Variants in LIPK observed in about 807,000 individuals in gnomAD.
The protein encoded by LIPK is lipase family member K.
LIPK carries 32 observed loss-of-function variants against 48.6 expected under a neutral mutation model. The observed-to-expected ratio is 0.66, with a 90% confidence interval of 0.50 to 0.88. The LOEUF is 0.88. Ranked by LOEUF, LIPK falls within the 40% of genes least tolerant of loss-of-function variation. The probability of loss-of-function intolerance (pLI) is 0.00; values close to 1 mark genes in which losing one functional copy is unlikely to be tolerated. For missense variants in LIPK, 507 were observed against 478.5 expected, an observed-to-expected ratio of 1.06 and a Z score of -0.56; for synonymous variants, 164 against 157.4, an observed-to-expected ratio of 1.04 and a Z score of -0.32.
chr10:88,724,551 A>C lies in LIPK; in HGVS notation c.8A>C (p.Gln3Pro). 6.2e-7 allele frequency: 1 copy of C among 1,601,440 alleles called. No individual in the cohort carries two copies. The highest frequency in any genetic ancestry group is 8.5e-7 in the Non-Finnish European group (1 of 1,175,022). Residue 3 changes from glutamine (Q) to proline (P), a missense_variant, in exon 2 of 10, where the codon CAG becomes CCG. Physicochemically the swap from Gln to Pro is moderately conservative, Grantham distance 76. Transcript: ENST00000404190. MW[Q>P]LLAAACWMLL... ...TTCCTAGGCAGATCCCAAATGTGGCAGCTTTTAGCAGCAGCATGCTGGATG... is the reference window on the plus strand; with the variant it reads ...TTCCTAGGCAGATCCCAAATGTGGCCGCTTTTAGCAGCAGCATGCTGGATG...
intron 1 of LIPK, among the ~76,000 whole-genome samples, chr10:88,708,807 A>C (rs935322041): frequency 2.0e-5 from 3 of 152,024 alleles, no homozygotes; most frequent in Non-Finnish European, 4.4e-5. Context: ...ATATTCCTAC[A>C]AATATATTTT....
chr10:88,747,480 T>C (rs1842785375), intron 9 of LIPK, among the ~76,000 whole-genome samples: 1 of 152,172 alleles, frequency 6.6e-6, no homozygotes, highest in Non-Finnish European at 1.5e-5. Context: ...AATCAATATG[T>C]TTCAGGCATC....
chr10:88,745,088 G>T (rs1465803953), intron 9 of LIPK, among the ~76,000 whole-genome samples: 1 of 152,000 alleles, frequency 6.6e-6, no homozygotes, highest in Non-Finnish European at 1.5e-5. Context: ...AAAGAAAAAA[G>T]AATTTAAAAA....
intron 8 of LIPK, among the ~76,000 whole-genome samples, chr10:88,742,175 C>A (rs1387701144): frequency 6.6e-6 from 1 of 152,172 alleles, no homozygotes; most frequent in Non-Finnish European, 1.5e-5. Context: ...ATTCAGTCTC[C>A]TCCCACCAGG....
chr10:88,748,895 A>G (rs956513181), intron 9 of LIPK, among the ~76,000 whole-genome samples: 3 of 151,490 alleles, frequency 2.0e-5, no homozygotes, highest in Non-Finnish European at 4.4e-5. Flanking sequence ...AAAAAACCCC[A>G]TAGTCTCATT....
At chr10:88,715,288 C>G (rs1842095348) in intron 1 of LIPK, among the ~76,000 whole-genome samples, 1 of 152,056 alleles carries the variant, frequency 6.6e-6, no homozygotes, top group Admixed American at 6.5e-5. Flanking sequence ...TCAGTTTGAT[C>G]TTCTCATATT....
At chr10:88,728,584 G>T in intron 3 of LIPK, 1 of 459,812 alleles carries the variant, frequency 2.2e-6, no homozygotes, top group Non-Finnish European at 4.3e-6. Context: ...TAGCTTCACC[G>T]GAACCTGGAG....
intron 1 of LIPK, among the ~76,000 whole-genome samples, chr10:88,715,578 C>T (rs1842100885): frequency 6.6e-6 from 1 of 151,966 alleles, no homozygotes; most frequent in African/African-American, 2.4e-5. Context: ...TTTTTTTATA[C>T]ATATTATAGT....
intron 3 of LIPK, among the ~76,000 whole-genome samples, chr10:88,729,254 G>GGGGGT (rs1554955624): frequency 2.5e-5 from 2 of 80,830 alleles, no homozygotes; most frequent in Non-Finnish European, 7.1e-5. Flanking sequence ...CTATCTGTTG[G>GGGGGT]GGGGGGGGGG....
At chr10:88,732,059 C>G (rs974024055) in intron 4 of LIPK, 119 bp from the exon 5 acceptor site, 2 of 607,998 alleles carry the variant, frequency 3.3e-6, no homozygotes, top group East Asian at 2.8e-5. Context: ...TATCATATAT[C>G]GACACTAGTC....
At chr10:88,739,248 G>T (rs567766892) in intron 7 of LIPK, among the ~76,000 whole-genome samples, 1 of 152,124 alleles carries the variant, frequency 6.6e-6, no homozygotes, top group East Asian at 1.9e-4. Flanking sequence ...GAAAACGAAC[G>T]TCAACATACA....
At chr10:88,726,751 A>C (rs1215342985) in intron 2 of LIPK, 44 bp from the exon 3 acceptor site, 3 of 922,298 alleles carry the variant, frequency 3.3e-6, no homozygotes, top group Non-Finnish European at 5.2e-6. Flanking sequence ...GTAAAAATTA[A>C]GAGATTATAA....
rs1590153745 is a variant in LIPK, at chr10:88,737,849, G to C, written c.816+68G>C. ...GCACAGAAGTGATGAAAGTTATCCT[G>C]GATTGTATGGCAACTGCAATTCAAG... On this transcript the variant is annotated intron_variant, in intron 7 of 9. Coordinates refer to ENST00000404190, the MANE Select transcript of LIPK (RefSeq NM_001080518.2). The C allele has an allele frequency of 5.3e-6, 8 of 1,516,004 alleles. No homozygotes were observed. In the South Asian group the frequency reaches 8.4e-5, roughly 16 times the overall value. The allele number at this position is 1,516,004 out of a possible 1,614,324, so 93.9% of individuals were successfully genotyped here.
At chr10:88,745,068 A>G (rs771159423) in intron 9 of LIPK, among the ~76,000 whole-genome samples, 2 of 152,216 alleles carry the variant, frequency 1.3e-5, no homozygotes, top group Non-Finnish European at 2.9e-5. Context: ...GAACCCAGTC[A>G]GACAAAAATA....
At chr10:88,713,064 C>T (rs1301623645) in intron 1 of LIPK, among the ~76,000 whole-genome samples, 1 of 152,168 alleles carries the variant, frequency 6.6e-6, no homozygotes, top group Non-Finnish European at 1.5e-5. Context: ...CATCATCACA[C>T]AGGAGACACA....
At chr10:88,729,146 C>G (rs959446080) in intron 3 of LIPK, among the ~76,000 whole-genome samples, 4 of 149,810 alleles carry the variant, frequency 2.7e-5, no homozygotes, top group Non-Finnish European at 5.9e-5. Context: ...CCTCAGGTAT[C>G]CTCAGGAATC....
At chr10:88,722,205 G>C (rs1295895791) in intron 1 of LIPK, among the ~76,000 whole-genome samples, 1 of 152,136 alleles carries the variant, frequency 6.6e-6, no homozygotes, top group Non-Finnish European at 1.5e-5. Context: ...TGGGGCAAGA[G>C]AATCCCTTGA....
At position 88,732,265 on chromosome 10, in the gene LIPK, C is replaced by G. The variant is rs771625513; in HGVS notation, c.510C>G (p.Gly170=). Residue 170 remains glycine (G), a synonymous_variant, in exon 5 of 10, where the codon GGC becomes GGG. Coordinates refer to ENST00000404190, the MANE Select transcript of LIPK (RefSeq NM_001080518.2). The stretch of plus-strand genomic sequence containing the variant: ...GACAGAAGCGACTCTACTACGTGGG[C>G]CACTCACAAGGCACCACCATAGGTG... The part of the protein sequence containing the change: ...KTGQKRLYYV[G]HSQGTTIAFI... 24 of 1,613,570 alleles carry G rather than the reference C, an allele frequency of 1.5e-5. No homozygotes were observed. The highest frequency in any genetic ancestry group is 5.1e-6 in the Non-Finnish European group (6 of 1,179,762).
chr10:88,741,154 G>T (rs1196951746), intron 8 of LIPK, among the ~76,000 whole-genome samples: 2 of 152,010 alleles, frequency 1.3e-5, no homozygotes. Context: ...CAATTTTTTA[G>T]TAAAGGCATT....
Sources: allele counts gnomAD v4.1 joint callset (sites outside exome capture counted in the v4.1 genomes callset), GRCh38; gene constraint gnomAD v4.1.1; transcripts MANE v1.5; gene names NCBI Gene and HGNC (gene_info 2026-07-23, HGNC 2026-07-21).